Variants in ZBTB11 observed in about 807,000 individuals in gnomAD.
The protein encoded by ZBTB11 is zinc finger and BTB domain containing 11.
In ZBTB11, 68 loss-of-function variants were observed where a neutral mutation model predicts 113.1. The observed-to-expected ratio is 0.60, with a 90% CI of 0.49 to 0.74. ZBTB11 has a LOEUF of 0.74. Among genes scored for constraint, ZBTB11 ranks in the 30% least tolerant of loss-of-function variants. ZBTB11 has a pLI of 0.00. For missense variants in ZBTB11, 1,104 were observed against 1,279.4 expected (o/e 0.86, Z 2.09); for synonymous variants, 518 against 452.6 (o/e 1.14, Z -1.83).
At chr3:101,668,298 C>T (rs1378888053) in intron 3 of ZBTB11, among the ~76,000 whole-genome samples, 1 of 152,044 alleles carries the variant, frequency 6.6e-6, no homozygotes, top group Non-Finnish European at 1.5e-5. Context: ...TTCTATAGCA[C>T]CGCAAGGTAT....
intron 1 of ZBTB11, among the ~76,000 whole-genome samples, chr3:101,672,851 G>T (rs1001790900): frequency 6.6e-6 from 1 of 152,176 alleles, no homozygotes; most frequent in African/African-American, 2.4e-5. Context: ...AACCTTAAGA[G>T]GTACTGAGTA....
rs140725691 is a variant in ZBTB11, at chr3:101,652,904, G to A, written c.2344C>T (p.Arg782Cys). ...CCAAGATGTTTGTTCATGTGCTGGC[G>A]AAGATCTCTAGCTTCAAAGAAACTT... ...EKSFFEARDL[R>C]QHMNKHLGVK... The change falls in exon 9 of 11, where the codon CGC becomes TGC. Residue 782 changes from arginine (R) to cysteine (C), a missense_variant. Physicochemically the swap from Arg to Cys is radical, Grantham distance 180. Coordinates refer to ENST00000312938, the MANE Select transcript of ZBTB11 (RefSeq NM_014415.4). The A allele has an allele frequency of 3.1e-6, 5 of 1,613,374 alleles. No homozygotes were observed. The highest frequency in any genetic ancestry group is 4.5e-5 in the East Asian group (2 of 44,880).
In ZBTB11 at chr3:101,671,189, C is replaced by T. The variant is rs757594133; in HGVS notation, c.719G>A (p.Arg240Gln). 3 of 1,614,124 alleles carry T rather than the reference C, an allele frequency of 1.9e-6. No homozygotes were observed. The highest frequency in any genetic ancestry group is 2.5e-6 in the Non-Finnish European group (3 of 1,180,010). ...SVLSANSEYF[R>Q]DLFIEKGAVS... ...AGCTCCTTTCTCAATAAAAAGATCTCGAAAATACTCGCTATTTGCTGACAA... is the reference window on the plus strand; with the variant it reads ...AGCTCCTTTCTCAATAAAAAGATCTTGAAAATACTCGCTATTTGCTGACAA... The change falls in exon 3 of 11, where the codon CGA becomes CAA. Residue 240 changes from arginine (R) to glutamine (Q), a missense_variant. Physicochemically the swap from Arg to Gln is conservative, Grantham distance 43. Coordinates refer to ENST00000312938, the MANE Select transcript of ZBTB11 (RefSeq NM_014415.4).
At position 101,659,914 on chromosome 3, in the gene ZBTB11, C is replaced by T; in HGVS notation, c.1915G>A (p.Gly639Arg). The T allele has an allele frequency of 1.2e-6, 2 of 1,614,108 alleles. No homozygotes were observed. The highest frequency in any genetic ancestry group is 1.7e-6 in the Non-Finnish European group (2 of 1,180,024). The change falls in exon 6 of 11, where the codon GGA (glycine) becomes AGA (arginine). Residue 639 changes from glycine (G) to arginine (R), a missense_variant. Gly to Arg is a moderately radical substitution (Grantham distance 125, BLOSUM62 -2). This residue lies in a region of ZBTB11 where 535 missense variants were observed against 518.6 expected (regional missense o/e 1.03). Coordinates refer to ENST00000312938, the MANE Select transcript of ZBTB11 (RefSeq NM_014415.4). ...SSNSTSNEAS[G>R]TSSEKGRTKR... is the part of the protein sequence containing the mutation. ...GTTCTGCCCTTCTCAGATGATGTTC[C>T]CGATGCTTCATTAGACGTGGAATTG...
At chr3:101,671,069 A>G (rs534332512) in intron 3 of ZBTB11, 61 bp downstream of exon 3, 1 of 1,392,930 alleles carries the variant, frequency 7.2e-7, no homozygotes, top group East Asian at 2.3e-5. Flanking sequence ...GAAGACATAC[A>G]TATCCCCCTC....
intron 3 of ZBTB11, among the ~76,000 whole-genome samples, chr3:101,669,830 C>CTTT: frequency 7.1e-6 from 1 of 141,216 alleles, no homozygotes; most frequent in African/African-American, 2.6e-5. Context: ...GCTATTAGTG[C>CTTT]TTTTTTTTTT....
intron 3 of ZBTB11, among the ~76,000 whole-genome samples, chr3:101,669,815 A>T (rs1937055711): frequency 6.6e-6 from 1 of 151,482 alleles, no homozygotes; most frequent in South Asian, 2.1e-4. Flanking sequence ...ATTTATATAG[A>T]GAAAGCTATT....
intron 10 of ZBTB11, among the ~76,000 whole-genome samples, chr3:101,652,194 T>G (rs535297690): frequency 6.6e-6 from 1 of 152,306 alleles, no homozygotes; most frequent in South Asian, 2.1e-4. Context: ...TGCGGACAGA[T>G]GTGATTGAGA....
At position 101,656,115 on chromosome 3, in the gene ZBTB11, C is replaced by T. The variant is rs1443812954; in HGVS notation, c.2180G>A (p.Ser727Asn). The change falls in exon 7 of 11, where the codon AGT becomes AAT. Residue 727 changes from serine (S) to asparagine (N), a missense_variant. By Grantham distance (46) the Ser-to-Asn change is conservative. Transcript: ENST00000312938. The part of the protein sequence containing the change: ...VTKRSLQEHM[S>N]IHTGESKYLC... ...AAATTTCTCATTACCTGTGTGAATACTCATATGTTCTTGAAGACTCCGTTT... is the reference window on the plus strand; with the variant it reads ...AAATTTCTCATTACCTGTGTGAATATTCATATGTTCTTGAAGACTCCGTTT... The T allele has an allele frequency of 1.7e-5, 26 of 1,571,960 alleles. No individual in the cohort carries two copies. The highest frequency in any genetic ancestry group is 1.4e-5 in the African/African-American group (1 of 72,418).
intron 5 of ZBTB11, among the ~76,000 whole-genome samples, chr3:101,661,645 G>A (rs988848557): frequency 1.3e-5 from 2 of 152,110 alleles, no homozygotes; most frequent in Non-Finnish European, 2.9e-5. Context: ...CTTTTTATGA[G>A]ACTGACAATG....
chr3:101,669,119 G>A (rs974826408), intron 3 of ZBTB11, among the ~76,000 whole-genome samples: 3 of 151,970 alleles, frequency 2.0e-5, no homozygotes, highest in South Asian at 2.1e-4. Flanking sequence ...TGCAACCTCC[G>A]CCTCCTGGGA....
At position 101,652,565 on chromosome 3, in the gene ZBTB11, C is replaced by T. The variant is rs762967746; in HGVS notation, c.2575G>A (p.Val859Met). 1.2e-6 allele frequency: 2 copies of T among 1,614,166 alleles called. No individual in the cohort carries two copies. Among genetic ancestry groups the T allele is most frequent in the East Asian group, 4.5e-5 (2 of 44,870 alleles). Residue 859 changes from valine to methionine, a missense_variant, in exon 10 of 11, where the codon GTG becomes ATG. Val to Met is a conservative substitution (Grantham distance 21). Transcript: ENST00000312938. ...KGRAKQNLER[V>M]CEKCGRKFTQ... ...AATTTTCTTCCACATTTTTCACACACCCGTTCCAGGTTTTGCTTTGCTCTT... is the reference window on the plus strand; with the variant it reads ...AATTTTCTTCCACATTTTTCACACATCCGTTCCAGGTTTTGCTTTGCTCTT...
chr3:101,676,535 G>A (rs1162690637), intron 1 of ZBTB11, 70 bp downstream of exon 1: 2 of 1,406,122 alleles, frequency 1.4e-6, no homozygotes, highest in African/African-American at 1.5e-5. Flanking sequence ...GGTACGCATA[G>A]GCCTCGCCAG....
At chr3:101,669,425 G>T (rs1256881184) in intron 3 of ZBTB11, among the ~76,000 whole-genome samples, 1 of 152,060 alleles carries the variant, frequency 6.6e-6, no homozygotes, top group African/African-American at 2.4e-5. Context: ...ACAAAAATAT[G>T]CATATGGAAT....
At chr3:101,658,093 T>A (rs1008485675) in intron 6 of ZBTB11, among the ~76,000 whole-genome samples, 6 of 152,034 alleles carry the variant, frequency 3.9e-5, no homozygotes, top group Non-Finnish European at 5.9e-5. Flanking sequence ...CAAATGCCCA[T>A]AAATCAATGA....
At chr3:101,667,992 G>A (rs557217995) in intron 3 of ZBTB11, among the ~76,000 whole-genome samples, 1 of 151,962 alleles carries the variant, frequency 6.6e-6, no homozygotes, top group African/African-American at 2.4e-5. Flanking sequence ...GAAAAAATGT[G>A]GTAAATATGC....
At chr3:101,661,956 C>A (rs1936894830) in intron 5 of ZBTB11, 1 of 151,728 alleles carries the variant, frequency 6.6e-6, no homozygotes, top group Admixed American at 6.6e-5. Context: ...TATTTTCCAA[C>A]TTTTCTGAGA....
Position 101,650,340 on chromosome 3 carries a change from T to G in ZBTB11, c.*826A>C, listed in dbSNP as rs1174242097. ...TTCATTCTTTGCAAATAATGAGAATTTTTTTTTCCATTAATTGTCCTATGT... is the reference window on the plus strand; with the variant it reads ...TTCATTCTTTGCAAATAATGAGAATGTTTTTTTCCATTAATTGTCCTATGT... On this transcript the variant is annotated 3_prime_UTR_variant, in exon 11 of 11. Transcript: ENST00000312938. The G allele has an allele frequency of 6.6e-6, 1 of 152,460 alleles. No individual in the cohort carries two copies. Among genetic ancestry groups the G allele is most frequent in the Non-Finnish European group, 1.5e-5 (1 of 67,992 alleles). 9.4% of individuals were successfully genotyped at this position (152,460 alleles called of 1,614,324 possible). A position where few individuals can be genotyped will look rare whatever the true frequency, so the allele number is the denominator to read the frequency against.
intron 10 of ZBTB11, 149 bp downstream of exon 10, chr3:101,652,347 G>C (rs1936718844): frequency 2.9e-6 from 2 of 679,044 alleles, no homozygotes; most frequent in East Asian, 5.5e-5. Context: ...ACAATAATTA[G>C]GTACTCAGGT....
Sources: allele counts gnomAD v4.1 joint callset (sites outside exome capture counted in the v4.1 genomes callset), GRCh38; gene constraint gnomAD v4.1.1; regional missense constraint gnomAD v4.1.1; transcripts MANE v1.5; gene names NCBI Gene and HGNC (gene_info 2026-07-23, HGNC 2026-07-21).